ARHGAP24: variants seen among roughly 807,000 people sequenced by gnomAD.
ARHGAP24 encodes the protein rho GTPase-activating protein 24.
Under a neutral mutation model 76.4 loss-of-function variants are expected in ARHGAP24, and 50 were observed. The observed-to-expected ratio is 0.65, with a 90% CI of 0.52 to 0.83. The LOEUF is 0.83. Among genes scored for constraint, ARHGAP24 ranks in the 40% least tolerant of loss-of-function variants. ARHGAP24 has a pLI of 0.00. For missense variants in ARHGAP24, 930 were observed against 914.2 expected, an observed-to-expected ratio of 1.02 and a Z score of -0.22; for synonymous variants, 345 against 323.3, an observed-to-expected ratio of 1.07 and a Z score of -0.72.
intron 5 of ARHGAP24, among the ~76,000 whole-genome samples, chr4:85,943,806 T>A (rs1374167725): frequency 2.0e-5 from 3 of 151,960 alleles, no homozygotes; most frequent in Non-Finnish European, 4.4e-5. Flanking sequence ...TTTTTAAGGC[T>A]GCATAGTATT....
At chr4:85,491,769 C>T (rs1723366423) in intron 1 of ARHGAP24, among the ~76,000 whole-genome samples, 1 of 152,170 alleles carries the variant, frequency 6.6e-6, no homozygotes, top group South Asian at 2.1e-4. Context: ...CTCTGGGTGT[C>T]TGGAGTGCTA....
chr4:85,779,652 A>G (rs927427146), intron 3 of ARHGAP24, among the ~76,000 whole-genome samples: 1 of 152,002 alleles, frequency 6.6e-6, no homozygotes, highest in African/African-American at 2.4e-5. Flanking sequence ...ATTCACCTTA[A>G]TGGAGGAACA....
intron 3 of ARHGAP24, among the ~76,000 whole-genome samples, chr4:85,823,606 T>C (rs1432194213): frequency 2.0e-5 from 3 of 152,194 alleles, no homozygotes; most frequent in Admixed American, 2.0e-4. Context: ...CTGAGGGCCT[T>C]TCCTGGCCAT....
chr4:85,803,405 C>G (rs1203630884), intron 3 of ARHGAP24, among the ~76,000 whole-genome samples: 1 of 152,102 alleles, frequency 6.6e-6, no homozygotes, highest in Non-Finnish European at 1.5e-5. Flanking sequence ...AAGATGGATC[C>G]CTTCCAGGGC....
At chr4:85,953,563 C>G (rs1248839895) in intron 5 of ARHGAP24, among the ~76,000 whole-genome samples, 2 of 152,002 alleles carry the variant, frequency 1.3e-5, no homozygotes, top group African/African-American at 4.8e-5. Flanking sequence ...TTCAGAAACC[C>G]AGACCCCACT....
chr4:85,916,654 T>G (rs985406210), intron 3 of ARHGAP24, among the ~76,000 whole-genome samples: 7 of 152,330 alleles, frequency 4.6e-5, no homozygotes, highest in Non-Finnish European at 7.3e-5. Context: ...AGTTTTCAAC[T>G]GATTTGCAGT....
intron 1 of ARHGAP24, among the ~76,000 whole-genome samples, chr4:85,495,328 A>G (rs1723524789): frequency 1.4e-5 from 2 of 147,822 alleles, no homozygotes; most frequent in East Asian, 2.0e-4. Flanking sequence ...TCAAGTAAGT[A>G]CAGAAGTACA....
chr4:85,923,102 G>A (rs941510863), intron 3 of ARHGAP24, among the ~76,000 whole-genome samples: 2 of 152,160 alleles, frequency 1.3e-5, no homozygotes, highest in Middle Eastern at 3.4e-3. Flanking sequence ...CTCGGGGGAT[G>A]AGGTTCCTCT....
chr4:85,879,984 T>TA (rs1318528920), intron 3 of ARHGAP24, among the ~76,000 whole-genome samples: 8 of 152,170 alleles, frequency 5.3e-5, no homozygotes, highest in Admixed American at 5.2e-4. Flanking sequence ...AATGCTGTGG[T>TA]AATGCTCGCT....
At chr4:85,968,061 G>T (rs1738736955) in intron 5 of ARHGAP24, among the ~76,000 whole-genome samples, 1 of 152,072 alleles carries the variant, frequency 6.6e-6, no homozygotes, top group Non-Finnish European at 1.5e-5. Context: ...TCCTAGTTAG[G>T]TTTTCACTTT....
At chr4:85,534,703 CATA>C (rs1288470895) in intron 1 of ARHGAP24, among the ~76,000 whole-genome samples, 1 of 152,124 alleles carries the variant, frequency 6.6e-6, no homozygotes, top group Non-Finnish European at 1.5e-5. Context: ...CTTACCTGTG[CATA>C]ATATTATTTG....
chr4:85,543,509 G>A (rs1258566578), intron 1 of ARHGAP24, among the ~76,000 whole-genome samples: 2 of 152,180 alleles, frequency 1.3e-5, no homozygotes, highest in African/African-American at 4.8e-5. Flanking sequence ...AAGGTGAAAT[G>A]ATGATTGAAT....
chr4:85,815,530 A>G (rs528623871), intron 3 of ARHGAP24, among the ~76,000 whole-genome samples: 58 of 152,362 alleles, frequency 3.8e-4, no homozygotes, highest in Admixed American at 2.7e-3. Context: ...TTGCTAAAGC[A>G]TAACAAGAGT....
chr4:85,965,144 GA>G (rs530790274), intron 5 of ARHGAP24, among the ~76,000 whole-genome samples: 53 of 152,118 alleles, frequency 3.5e-4, no homozygotes, highest in Non-Finnish European at 5.3e-4. Context: ...GTTTCATGGA[GA>G]ACTCACAGTT....
intron 3 of ARHGAP24, among the ~76,000 whole-genome samples, chr4:85,882,283 C>T (rs758194943): frequency 1.3e-5 from 2 of 152,096 alleles, no homozygotes; most frequent in Non-Finnish European, 2.9e-5. Flanking sequence ...TTAAAATTTG[C>T]AGATATTATC....
chr4:85,827,649 G>GTAGA, intron 3 of ARHGAP24: 1 of 210,478 alleles, frequency 4.8e-6, no homozygotes, highest in Non-Finnish European at 9.7e-6. Context: ...AAGGCAAGGT[G>GTAGA]TCTGGAGTTT....
chr4:85,891,186 G>A (rs1027056396), intron 3 of ARHGAP24, among the ~76,000 whole-genome samples: 2 of 152,140 alleles, frequency 1.3e-5, no homozygotes, highest in African/African-American at 4.8e-5. Context: ...ACTACATTGG[G>A]ACGAGAGTAA....
intron 2 of ARHGAP24, among the ~76,000 whole-genome samples, chr4:85,637,726 A>G (rs955313860): frequency 6.6e-6 from 1 of 152,100 alleles, no homozygotes; most frequent in Non-Finnish European, 1.5e-5. Flanking sequence ...AATAAAATGT[A>G]TTATTAAAAT....
intron 2 of ARHGAP24, among the ~76,000 whole-genome samples, chr4:85,683,107 TGTGGGGGGG>T (rs1723271677): frequency 2.3e-4 from 3 of 12,844 alleles, no homozygotes; most frequent in Non-Finnish European, 5.1e-4. Flanking sequence ...TCTCTCAGTG[TGTGGGGGGG>T]TGGGGGGGGG....
Sources: gnomAD v4.1 joint callset for allele counts (sites outside exome capture counted in the v4.1 genomes callset) on GRCh38, gnomAD v4.1.1 for gene constraint, MANE v1.5 for transcripts, NCBI Gene and HGNC (gene_info 2026-07-23, HGNC 2026-07-21) for gene names.